Variants in MSI2 observed in about 807,000 individuals in gnomAD.
The protein encoded by MSI2 is musashi RNA binding protein 2, also known as RNA-binding protein Musashi homolog 2.
A neutral mutation model predicts 45.6 loss-of-function variants in MSI2; 17 were observed. The observed-to-expected ratio is 0.37, with a 90% CI of 0.26 to 0.56. The LOEUF (loss-of-function observed/expected upper bound fraction) is 0.56, where lower values mean the gene tolerates loss of function less well. Among genes scored for constraint, MSI2 ranks in the 20% least tolerant of loss-of-function variants. MSI2 has a pLI of 0.77. For synonymous variants in MSI2, 156 were observed against 158.2 expected, an observed-to-expected ratio of 0.99 and a Z score of 0.11; for missense variants, 293 against 444.2, an observed-to-expected ratio of 0.66 and a Z score of 3.06.
In MSI2 at chr17:57,474,705, TTTTTG is replaced by T. The variant is rs550693376; in HGVS notation, c.406-54966_406-54962del. ...CTTTGTGTACTGTTTTTTTGTTGTTTTTTTGTTTTTGTTTTTGTTTTTGTTTTTGT... is the reference window on the plus strand; with the variant it reads ...CTTTGTGTACTGTTTTTTTGTTGTTTTTTTTGTTTTTGTTTTTGTTTTTGT... On this transcript the variant is annotated intron_variant, in intron 6 of 13. Transcript: ENST00000284073. Among the ~76,000 whole-genome samples the T allele has an allele frequency of 0.018, 83 of 4,696 alleles. 1 individual carries two copies. The South Asian group carries it at 0.27, about 15-fold the overall frequency. 3.1% of individuals were successfully genotyped at this position (4,696 alleles called of 152,430 possible). A position where few individuals can be genotyped will look rare whatever the true frequency, so the allele number is the denominator to read the frequency against.
At chr17:57,422,605 C>T (rs917783129) in intron 6 of MSI2, among the ~76,000 whole-genome samples, 2 of 152,202 alleles carry the variant, frequency 1.3e-5, no homozygotes, top group East Asian at 1.9e-4. Context: ...AGAGAGCGCT[C>T]AGTCCAGGGC....
rs114988417 is a variant in MSI2 at position 57,566,931 on chromosome 17, T to C, written c.455-29937T>C. Among the ~76,000 whole-genome samples the C allele has an allele frequency of 4.7e-3, 709 of 152,238 alleles. 8 individuals are homozygous for C. The highest frequency in any genetic ancestry group is 0.016 in the African/African-American group (661 of 41,548). ...GTGGCAGGATTTAATAGAAGGGGCA[T>C]GTTCAAACCCATTCTTCCAGGGAGT... On this transcript the variant is annotated intron_variant, in intron 7 of 13. Transcript: ENST00000284073.
At chr17:57,619,158 G>C in intron 9 of MSI2, among the ~76,000 whole-genome samples, 1 of 152,206 alleles carries the variant, frequency 6.6e-6, no homozygotes, top group Middle Eastern at 3.2e-3. Context: ...CCGAGCAAAG[G>C]CTCAGGCCCA....
chr17:57,567,771 G>T (rs959815707), intron 7 of MSI2, among the ~76,000 whole-genome samples: 2 of 152,232 alleles, frequency 1.3e-5, no homozygotes, highest in Non-Finnish European at 2.9e-5. Context: ...CCCAGGGAAG[G>T]GTGGAATGTA....
At chr17:57,662,953 G>A (rs1567965935) in intron 11 of MSI2, among the ~76,000 whole-genome samples, 1 of 152,264 alleles carries the variant, frequency 6.6e-6, no homozygotes, top group Non-Finnish European at 1.5e-5. Context: ...GCTGAAACAA[G>A]GCTGAGGGAA....
At chr17:57,450,322 A>AGAAAGAAAGAAAGAAAG (rs1567831014) in intron 6 of MSI2, 2 of 148,428 alleles carry the variant, frequency 1.3e-5, no homozygotes, top group African/African-American at 4.9e-5. Context: ...AAAGAAAGAA[A>AGAAAGAAAGAAAGAAAG]ACCTTTGTTA....
At chr17:57,274,218 G>A (rs1299233933) in intron 5 of MSI2, 1 of 152,234 alleles carries the variant, frequency 6.6e-6, no homozygotes, top group Non-Finnish European at 1.5e-5. Context: ...TTTACACATT[G>A]AAGTAAAATG....
intron 6 of MSI2, among the ~76,000 whole-genome samples, chr17:57,499,716 G>T (rs2086060634): frequency 6.6e-6 from 1 of 152,224 alleles, no homozygotes; most frequent in African/African-American, 2.4e-5. Flanking sequence ...AGCATCTCAT[G>T]AGGTTGCAGT....
chr17:57,495,532 C>CA lies in MSI2; in HGVS notation c.406-34124dup, dbSNP rs56325646. Among the ~76,000 whole-genome samples, 182 of 72,598 alleles carry CA rather than the reference C, an allele frequency of 2.5e-3. 8 individuals are homozygous for CA. The East Asian group carries it at 0.033, about 13-fold the overall frequency. The allele number at this position is 72,598 out of a possible 152,430, so 47.6% of individuals were successfully genotyped here. A position where few individuals can be genotyped will look rare whatever the true frequency, so the allele number is the denominator to read the frequency against. On this transcript the variant is annotated intron_variant, in intron 6 of 13. Coordinates refer to ENST00000284073, the MANE Select transcript of MSI2 (RefSeq NM_138962.4). Reference sequence around the variant, plus strand: ...TGGGTGACAGAGCGAGACTCTGTCTCAAAAAAAAAAAAAAAAAAAAGAAAG... The same window carrying CA: ...TGGGTGACAGAGCGAGACTCTGTCTCAAAAAAAAAAAAAAAAAAAAAGAAAG...
intron 5 of MSI2, among the ~76,000 whole-genome samples, chr17:57,321,108 G>A (rs1567755739): frequency 6.6e-6 from 1 of 151,230 alleles, no homozygotes; most frequent in Non-Finnish European, 1.5e-5. Context: ...ATGGATTTGG[G>A]GGCCTGGGAT....
At chr17:57,320,149 A>ATT (rs1414084998) in intron 5 of MSI2, among the ~76,000 whole-genome samples, 4 of 152,054 alleles carry the variant, frequency 2.6e-5, no homozygotes. Context: ...CTGTGTTCCG[A>ATT]TCGAAAGAAA....
At chr17:57,639,637 C>T (rs1308156011) in intron 10 of MSI2, among the ~76,000 whole-genome samples, 1 of 152,234 alleles carries the variant, frequency 6.6e-6, no homozygotes, top group African/African-American at 2.4e-5. Flanking sequence ...GTGTAGCCTC[C>T]TGTTCCTTCC....
intron 7 of MSI2, among the ~76,000 whole-genome samples, chr17:57,533,853 G>A (rs1385798102): frequency 3.9e-5 from 6 of 152,186 alleles, no homozygotes; most frequent in Non-Finnish European, 8.8e-5. Context: ...CTTCCCCTGG[G>A]GAAATCCTGG....
At chr17:57,420,726 AG>A (rs1354948772) in intron 6 of MSI2, among the ~76,000 whole-genome samples, 1 of 152,190 alleles carries the variant, frequency 6.6e-6, no homozygotes, top group African/African-American at 2.4e-5. Flanking sequence ...GCTATCTGGA[AG>A]GGTCACTTTT....
intron 5 of MSI2, among the ~76,000 whole-genome samples, chr17:57,339,734 G>C (rs777844850): frequency 6.6e-6 from 1 of 152,114 alleles, no homozygotes; most frequent in Non-Finnish European, 1.5e-5. Context: ...TCAGTCATTG[G>C]TAGGGCTGCT....
At chr17:57,411,171 A>AT (rs1268340699) in intron 6 of MSI2, among the ~76,000 whole-genome samples, 1 of 151,716 alleles carries the variant, frequency 6.6e-6, no homozygotes, top group Non-Finnish European at 1.5e-5. Context: ...TGCCTGGCTA[A>AT]TTTTTTTGTA....
chr17:57,325,556 G>T (rs184574281), intron 5 of MSI2, among the ~76,000 whole-genome samples: 5 of 152,344 alleles, frequency 3.3e-5, no homozygotes, highest in Admixed American at 3.3e-4. Flanking sequence ...TCTTGCACCG[G>T]TTGCCCCCTC....
chr17:57,302,152 T>TA (rs1911468992), intron 5 of MSI2, among the ~76,000 whole-genome samples: 1 of 152,236 alleles, frequency 6.6e-6, no homozygotes, highest in African/African-American at 2.4e-5. Flanking sequence ...TTGGGGTACA[T>TA]ACGATATTTT....
chr17:57,606,909 TGGCA>T (rs1009958388), intron 8 of MSI2, among the ~76,000 whole-genome samples: 3 of 151,292 alleles, frequency 2.0e-5, no homozygotes, highest in African/African-American at 7.3e-5. Flanking sequence ...GGGGGGTGGC[TGGCA>T]GCCAGAGACC....
Sources: gnomAD v4.1 joint callset for allele counts (sites outside exome capture counted in the v4.1 genomes callset) on GRCh38, gnomAD v4.1.1 for gene constraint, MANE v1.5 for transcripts, NCBI Gene and HGNC (gene_info 2026-07-23, HGNC 2026-07-21) for gene names.